The following NEDD4 variants were observed in gnomAD, a reference collection of about 807,000 sequenced individuals.
NEDD4 encodes E3 ubiquitin-protein ligase NEDD4.
Under a neutral mutation model 144.9 loss-of-function variants are expected in NEDD4, and 99 were observed. That is an observed-to-expected ratio of 0.68 (90% CI 0.58 to 0.81). The LOEUF is 0.81. NEDD4 is among the 30% of genes least tolerant of loss of function. The probability of loss-of-function intolerance (pLI) is 0.00; values close to 1 mark genes in which losing one functional copy is unlikely to be tolerated. For missense variants in NEDD4, 985 were observed against 1,065.9 expected (o/e 0.92, Z 1.06); for synonymous variants, 318 against 350.6 (o/e 0.91, Z 1.04).
At chr15:55,851,617 C>T (rs1016488475) in intron 13 of NEDD4, among the ~76,000 whole-genome samples, 2 of 152,018 alleles carry the variant, frequency 1.3e-5, no homozygotes, top group East Asian at 1.9e-4. Flanking sequence ...GATGGGATTA[C>T]AGGCATGCGC....
intron 2 of NEDD4, 71 bp from the exon 3 acceptor site, chr15:55,951,660 C>T: frequency 8.9e-7 from 1 of 1,122,208 alleles, no homozygotes; most frequent in Non-Finnish European, 1.2e-6. Flanking sequence ...ATTACCCAGA[C>T]TATAAAATTC....
intron 1 of NEDD4, among the ~76,000 whole-genome samples, chr15:55,970,054 G>GA (rs2037581655): frequency 2.0e-5 from 3 of 151,818 alleles, no homozygotes; most frequent in Non-Finnish European, 4.4e-5. Context: ...AGAGACCCAG[G>GA]CCTGGCAGGA....
chr15:55,980,527 G>A (rs890609046), intron 1 of NEDD4, among the ~76,000 whole-genome samples: 9 of 152,202 alleles, frequency 5.9e-5, no homozygotes, highest in East Asian at 1.9e-4. Context: ...AACAGTACCC[G>A]CCCCTCGTAC....
At chr15:55,925,881 T>A (rs1163571011) in intron 4 of NEDD4, among the ~76,000 whole-genome samples, 1 of 152,054 alleles carries the variant, frequency 6.6e-6, no homozygotes, top group African/African-American at 2.4e-5. Flanking sequence ...ATACTAATGT[T>A]GGGATGAGGA....
chr15:55,874,467 A>G (rs2034919158), intron 5 of NEDD4, among the ~76,000 whole-genome samples: 1 of 152,140 alleles, frequency 6.6e-6, no homozygotes. Context: ...TTGACAGCAT[A>G]TCTAGAAAAA....
chr15:55,964,942 C>T (rs189404676), intron 2 of NEDD4, among the ~76,000 whole-genome samples: 1 of 151,960 alleles, frequency 6.6e-6, no homozygotes, highest in East Asian at 1.9e-4. Context: ...GAGGCTGGCA[C>T]ACCTCCCCCT....
intron 5 of NEDD4, among the ~76,000 whole-genome samples, chr15:55,906,536 AAAACC>A (rs1271097346): frequency 6.6e-6 from 1 of 152,060 alleles, no homozygotes; most frequent in Non-Finnish European, 1.5e-5. Flanking sequence ...GCAGGGACAA[AAAACC>A]AAACACCCCA....
rs1305216134 is a variant in NEDD4, at chr15:55,946,715, C to T, written c.237+4661G>A. Among the ~76,000 whole-genome samples, 5 of 152,194 alleles carry T rather than the reference C, an allele frequency of 3.3e-5. No homozygotes were observed. The East Asian group carries it at 5.8e-4, about 18-fold the overall frequency. ...TCAACAGAATATACATCCTTCTCAG[C>T]ACCACACCACACTTATTCCAAAATT... On this transcript the variant is annotated intron_variant, in intron 4 of 28. Coordinates refer to ENST00000435532, the MANE Select transcript of NEDD4 (RefSeq NM_006154.4).
intron 1 of NEDD4, among the ~76,000 whole-genome samples, chr15:55,985,169 C>G (rs2037869674): frequency 1.3e-5 from 2 of 152,190 alleles, no homozygotes; most frequent in Non-Finnish European, 2.9e-5. Flanking sequence ...TCTTCCAGCT[C>G]AAAGATTCTA....
In NEDD4 at chr15:55,897,706, C is replaced by T. The variant is rs542247785; in HGVS notation, c.292-23698G>A. Among the ~76,000 whole-genome samples the T allele has an allele frequency of 1.5e-4, 23 of 152,270 alleles. No homozygotes were observed. In the South Asian group the frequency reaches 4.8e-3, roughly 32 times the overall value. ...CCAGACTGGTTTATTAATTCCCTGC[C>T]CATGTGTCCTCCTGGCCTTGACTGT... On this transcript the variant is annotated intron_variant, in intron 5 of 28. Coordinates refer to ENST00000435532, the MANE Select transcript of NEDD4 (RefSeq NM_006154.4).
intron 5 of NEDD4, among the ~76,000 whole-genome samples, chr15:55,903,744 G>A (rs1403557346): frequency 3.3e-5 from 5 of 149,574 alleles, no homozygotes; most frequent in Non-Finnish European, 7.4e-5. Flanking sequence ...AGAATGGCGT[G>A]AACCCGGGAG....
In NEDD4 at chr15:55,951,492, G is replaced by T; in HGVS notation, c.198+19C>A. 3 of 1,491,218 alleles carry T rather than the reference G, an allele frequency of 2.0e-6. No homozygotes were observed. The highest frequency in any genetic ancestry group is 2.7e-6 in the Non-Finnish European group (3 of 1,119,248). 92.4% of individuals were successfully genotyped at this position (1,491,218 alleles called of 1,614,324 possible). A position where few individuals can be genotyped will look rare whatever the true frequency, so the allele number is the denominator to read the frequency against. On this transcript the variant is annotated intron_variant, in intron 3 of 28. Transcript: ENST00000435532. ...AAAACAAAGTACATTAAAAACTTTT[G>T]AATATTGCTAAGTCTAACCTTTTTA... is the stretch of plus-strand genomic sequence containing the variant.
At chr15:55,951,484 A>T in intron 3 of NEDD4, 27 bp downstream of exon 3, 1 of 1,477,226 alleles carries the variant, frequency 6.8e-7, no homozygotes, top group Non-Finnish European at 9.0e-7. Flanking sequence ...AGTACATTAA[A>T]AACTTTTGAA....
intron 1 of NEDD4, 92 bp from the exon 2 acceptor site, chr15:55,966,638 A>G: frequency 1.9e-6 from 1 of 524,716 alleles, no homozygotes; most frequent in South Asian, 4.6e-5. Flanking sequence ...TAAAGTAATT[A>G]GGATATTAAA....
chr15:55,970,056 C>A (rs1379372146), intron 1 of NEDD4, among the ~76,000 whole-genome samples: 1 of 152,094 alleles, frequency 6.6e-6, no homozygotes, highest in Non-Finnish European at 1.5e-5. Context: ...AGACCCAGGC[C>A]TGGCAGGACT....
intron 5 of NEDD4, among the ~76,000 whole-genome samples, chr15:55,904,526 G>A (rs879441729): frequency 1.9e-4 from 29 of 152,016 alleles, no homozygotes; most frequent in Non-Finnish European, 3.5e-4. Context: ...CTGTCTCAAA[G>A]TCCTGACCTC....
chr15:55,986,092 C>T (rs1331901013), intron 1 of NEDD4, among the ~76,000 whole-genome samples: 5 of 152,164 alleles, frequency 3.3e-5, no homozygotes, highest in African/African-American at 9.7e-5. Flanking sequence ...TAACTGATTA[C>T]AACCTGCTGA....
chr15:55,948,829 T>TA (rs1279483670), intron 4 of NEDD4, among the ~76,000 whole-genome samples: 1 of 152,198 alleles, frequency 6.6e-6, no homozygotes, highest in Admixed American at 6.5e-5. Flanking sequence ...GCTTAAACGT[T>TA]AGACCTAAAA....
intron 12 of NEDD4, 125 bp downstream of exon 12, chr15:55,856,005 TG>T: frequency 2.7e-6 from 2 of 733,482 alleles, no homozygotes; most frequent in Admixed American, 4.8e-5. Flanking sequence ...CATCACCACC[TG>T]GAGCCTACAT....
Sources: allele counts gnomAD v4.1 joint callset (sites outside exome capture counted in the v4.1 genomes callset), GRCh38; gene constraint gnomAD v4.1.1; transcripts MANE v1.5; gene names NCBI Gene and HGNC (gene_info 2026-07-23, HGNC 2026-07-21).